MALRD1: variants seen among roughly 807,000 people sequenced by gnomAD.
MALRD1 encodes MAM and LDL-receptor class A domain-containing protein 1.
A neutral mutation model predicts 242.1 loss-of-function variants in MALRD1; 247 were observed. The observed-to-expected ratio is 1.02, with a 90% confidence interval of 0.92 to 1.13. The LOEUF is 1.13. Ranked by LOEUF, MALRD1 falls within the 50% of genes most tolerant of loss-of-function variation. The probability of loss-of-function intolerance (pLI) is 0.00; values close to 1 mark genes in which losing one functional copy is unlikely to be tolerated. For missense variants in MALRD1, 2,989 were observed against 2,533.1 expected, an observed-to-expected ratio of 1.18 and a Z score of -3.86; for synonymous variants, 995 against 866.6, an observed-to-expected ratio of 1.15 and a Z score of -2.60.
chr10:19,115,294 G>A (rs1836831213), intron 5 of MALRD1, among the ~76,000 whole-genome samples: 1 of 152,058 alleles, frequency 6.6e-6, no homozygotes, highest in South Asian at 2.1e-4. Flanking sequence ...CCTCTTCTTG[G>A]AGAGGAGGTG....
At chr10:19,415,636 A>C (rs1327912607) in intron 28 of MALRD1, among the ~76,000 whole-genome samples, 2 of 152,184 alleles carry the variant, frequency 1.3e-5, no homozygotes, top group East Asian at 3.8e-4. Flanking sequence ...TTAAAAATTC[A>C]TAAATGTGCT....
At chr10:19,668,904 T>C (rs917869177) in intron 36 of MALRD1, among the ~76,000 whole-genome samples, 5 of 151,540 alleles carry the variant, frequency 3.3e-5, no homozygotes, top group African/African-American at 1.2e-4. Context: ...AGGGAGAAAA[T>C]GGTAAAATAA....
chr10:19,626,130 T>C (rs1357095699), intron 36 of MALRD1, among the ~76,000 whole-genome samples: 1 of 152,056 alleles, frequency 6.6e-6, no homozygotes, highest in Non-Finnish European at 1.5e-5. Context: ...GACAATTTTG[T>C]AGAGAAACAT....
At chr10:19,709,768 G>C (rs2131868729) in intron 38 of MALRD1, among the ~76,000 whole-genome samples, 1 of 152,224 alleles carries the variant, frequency 6.6e-6, no homozygotes, top group Non-Finnish European at 1.5e-5. Flanking sequence ...TTAAAAAGAT[G>C]CCTAATTTAC....
chr10:19,137,480 C>T (rs1221730937), intron 10 of MALRD1, among the ~76,000 whole-genome samples: 1 of 151,836 alleles, frequency 6.6e-6, no homozygotes, highest in Admixed American at 6.6e-5. Flanking sequence ...GTGGTGGGCA[C>T]CTGTAATCAC....
intron 28 of MALRD1, among the ~76,000 whole-genome samples, chr10:19,440,207 C>T (rs1281984816): frequency 1.3e-5 from 2 of 152,086 alleles, no homozygotes; most frequent in Non-Finnish European, 2.9e-5. Context: ...TGTTTATATA[C>T]TAGTTTTTAG....
At chr10:19,507,338 G>A (rs547039093) in intron 31 of MALRD1, among the ~76,000 whole-genome samples, 3 of 152,096 alleles carry the variant, frequency 2.0e-5, no homozygotes, top group Non-Finnish European at 2.9e-5. Context: ...TTCCGCTTTG[G>A]TATAAATGTA....
intron 26 of MALRD1, among the ~76,000 whole-genome samples, chr10:19,371,005 A>G (rs1321419773): frequency 2.0e-5 from 3 of 147,634 alleles, no homozygotes; most frequent in African/African-American, 7.5e-5. Context: ...GTATTGTTGG[A>G]TAGGATATCC....
chr10:19,171,930 GATATATATATCATATA>G, intron 13 of MALRD1, among the ~76,000 whole-genome samples: 1 of 117,162 alleles, frequency 8.5e-6, no homozygotes, highest in East Asian at 2.2e-4. Context: ...ACATATATGT[GATATATATATCATATA>G]ATATATGTAT....
At chr10:19,730,975 A>G (rs1308152233) in intron 39 of MALRD1, among the ~76,000 whole-genome samples, 194 bp downstream of exon 39, 1 of 152,168 alleles carries the variant, frequency 6.6e-6, no homozygotes, top group Non-Finnish European at 1.5e-5. Context: ...AGAATTGTCC[A>G]TTTCAGGACA....
At chr10:19,212,536 T>C (rs900018687) in intron 18 of MALRD1, among the ~76,000 whole-genome samples, 1 of 152,228 alleles carries the variant, frequency 6.6e-6, no homozygotes, top group Non-Finnish European at 1.5e-5. Context: ...CTATTATGAA[T>C]ACATGTGCTA....
At chr10:19,530,292 T>C (rs868224802) in intron 31 of MALRD1, among the ~76,000 whole-genome samples, 55 of 128,784 alleles carry the variant, frequency 4.3e-4, no homozygotes, top group African/African-American at 1.3e-3. Context: ...TCATCTATAT[T>C]TTGAAGGACA....
At chr10:19,517,967 G>T (rs559555290) in intron 31 of MALRD1, among the ~76,000 whole-genome samples, 1 of 152,156 alleles carries the variant, frequency 6.6e-6, no homozygotes, top group African/African-American at 2.4e-5. Flanking sequence ...TTATAAATCA[G>T]GTAGCACTCA....
chr10:19,209,804 T>C lies in MALRD1; in HGVS notation c.2991+124T>C, dbSNP rs962037185. The C allele has an allele frequency of 4.5e-5, 42 of 923,218 alleles. No homozygotes were observed. The African/African-American group carries it at 6.9e-4, about 15-fold the overall frequency. 57.2% of individuals were successfully genotyped at this position (923,218 alleles called of 1,614,324 possible). A position where few individuals can be genotyped will look rare whatever the true frequency, so the allele number is the denominator to read the frequency against. Reference sequence around the variant, plus strand: ...TTGATCAAAGTTACATTGAGACACATTTATCATTTATTTGAGGGTGTATCA... The same window carrying C: ...TTGATCAAAGTTACATTGAGACACACTTATCATTTATTTGAGGGTGTATCA... On this transcript the variant is annotated intron_variant, in intron 18 of 39. Transcript: ENST00000454679.
At chr10:19,057,305 T>C (rs1834697442) in intron 1 of MALRD1, among the ~76,000 whole-genome samples, 1 of 152,138 alleles carries the variant, frequency 6.6e-6, no homozygotes. Flanking sequence ...ACCATCAAGG[T>C]GCCAGCAGAT....
At chr10:19,054,198 A>G (rs1161483902) in intron 1 of MALRD1, among the ~76,000 whole-genome samples, 2 of 152,126 alleles carry the variant, frequency 1.3e-5, no homozygotes, top group Non-Finnish European at 2.9e-5. Context: ...GCTGACTCAC[A>G]TTGGCTAGTC....
At chr10:19,696,851 G>A (rs1350907076) in intron 38 of MALRD1, among the ~76,000 whole-genome samples, 1 of 152,208 alleles carries the variant, frequency 6.6e-6, no homozygotes. Flanking sequence ...GGGAGGCAGA[G>A]GTTGCAGTGA....
At chr10:19,609,210 A>G (rs1265530666) in intron 35 of MALRD1, among the ~76,000 whole-genome samples, 1 of 152,098 alleles carries the variant, frequency 6.6e-6, no homozygotes, top group African/African-American at 2.4e-5. Context: ...GTCTCTTTTC[A>G]TCACTCACCA....
intron 38 of MALRD1, among the ~76,000 whole-genome samples, chr10:19,716,272 G>A (rs1834381144): frequency 6.6e-6 from 1 of 152,176 alleles, no homozygotes; most frequent in African/African-American, 2.4e-5. Context: ...CATTGTTGGA[G>A]GTGGAGCCTG....
Sources: allele counts gnomAD v4.1 joint callset (sites outside exome capture counted in the v4.1 genomes callset), GRCh38; gene constraint gnomAD v4.1.1; transcripts MANE v1.5; gene names NCBI Gene and HGNC (gene_info 2026-07-23, HGNC 2026-07-21).